The following STARD9 variants were observed in gnomAD, a reference collection of about 807,000 sequenced individuals.
STARD9 encodes StAR related lipid transfer domain containing 9, also known as stAR-related lipid transfer protein 9.
STARD9 carries 346 observed loss-of-function variants against 399.8 expected under a neutral mutation model. That is an observed-to-expected ratio of 0.87 (90% CI 0.79 to 0.95). The LOEUF (loss-of-function observed/expected upper bound fraction) is 0.95. Among genes scored for constraint, STARD9 ranks in the 40% least tolerant of loss-of-function variants. The pLI is 0.00. For synonymous variants in STARD9, 2,203 were observed against 2,143.5 expected, an observed-to-expected ratio of 1.03 and a Z score of -0.77; for missense variants, 5,832 against 5,667.5, an observed-to-expected ratio of 1.03 and a Z score of -0.93.
rs1402874352 is a variant in STARD9, at chr15:42,690,610, G to A, written c.9032G>A (p.Gly3011Glu). Residue 3011 changes from glycine (G) to glutamate (E), a missense_variant, in exon 23 of 33, where the codon GGA (glycine) becomes GAA (glutamate). This residue lies in a region of STARD9 where 5,828 missense variants were observed against 5,651.1 expected (regional missense o/e 1.03). Coordinates refer to ENST00000290607, the MANE Select transcript of STARD9 (RefSeq NM_020759.3). ...PSRAYEMDET[G>E]EISRGPDVHL... ...AGGGCCTATGAAATGGATGAGACAGGAGAGATCTCTAGGGGACCTGATGTG... is the reference window on the plus strand; with the variant it reads ...AGGGCCTATGAAATGGATGAGACAGAAGAGATCTCTAGGGGACCTGATGTG... 1.3e-6 allele frequency: 2 copies of A among 1,537,224 alleles called. No homozygotes were observed. The highest frequency in any genetic ancestry group is 4.9e-5 in the East Asian group (2 of 40,916).
chr15:42,717,607 A>G (rs1469184923), intron 28 of STARD9, 124 bp from the exon 29 acceptor site: 1 of 844,806 alleles, frequency 1.2e-6, no homozygotes, highest in Non-Finnish European at 1.9e-6. Flanking sequence ...CCTGGGTGAC[A>G]GAGCTAGACC....
chr15:42,621,758 G>A (rs755698854), intron 3 of STARD9, among the ~76,000 whole-genome samples: 2 of 152,182 alleles, frequency 1.3e-5, no homozygotes, highest in Non-Finnish European at 2.9e-5. Flanking sequence ...CTTAAAATCT[G>A]CAAGGAGACA....
chr15:42,586,942 T>C lies in STARD9; in HGVS notation c.234+1305T>C, dbSNP rs189692396. Among the ~76,000 whole-genome samples, 650 of 152,112 alleles carry C rather than the reference T, an allele frequency of 4.3e-3. 4 individuals carry two copies. Among genetic ancestry groups the C allele is most frequent in the African/African-American group, 0.015 (608 of 41,500 alleles). ...TGATCTCAGCTCACTTCAGCCTCTT[T>C]CTTCTGGGCTGAAAGTGATCTTCCC... On this transcript the variant is annotated intron_variant, in intron 3 of 32. Transcript: ENST00000290607.
At position 42,720,333 on chromosome 15, in the gene STARD9, T is replaced by G. The variant is rs2061428698; in HGVS notation, c.*759T>G. The G allele has an allele frequency of 6.6e-6, 1 of 152,422 alleles. No homozygotes were observed. The highest frequency in any genetic ancestry group is 1.5e-5 in the Non-Finnish European group (1 of 68,136). 9.4% of individuals were successfully genotyped at this position (152,422 alleles called of 1,614,324 possible). On this transcript the variant is annotated 3_prime_UTR_variant, in exon 33 of 33. Coordinates refer to ENST00000290607, the MANE Select transcript of STARD9 (RefSeq NM_020759.3). ...GTCAGGGTTGGAGGCTGAGTTCTTT[T>G]GAGGACTGGTTGGAGTGGCAGCCAG...
intron 7 of STARD9, among the ~76,000 whole-genome samples, chr15:42,647,487 G>T (rs2059667840): frequency 1.3e-5 from 2 of 152,042 alleles, no homozygotes; most frequent in Admixed American, 1.3e-4. Context: ...TCATTGTGAA[G>T]GATTTTTCTT....
At position 42,719,582 on chromosome 15, in the gene STARD9, C is replaced by T. The variant is rs1445668339; in HGVS notation, c.*8C>T. ...TCCTTCCTTGGTAGGTAGCATCTCA[C>T]CGTCAAGATGGTGCTGCTGAGATGC... On this transcript the variant is annotated 3_prime_UTR_variant, in exon 33 of 33. Coordinates refer to ENST00000290607, the MANE Select transcript of STARD9 (RefSeq NM_020759.3). The T allele has an allele frequency of 5.3e-6, 8 of 1,510,634 alleles. No homozygotes were observed. Among genetic ancestry groups the T allele is most frequent in the Non-Finnish European group, 7.1e-6 (8 of 1,122,924 alleles). 93.6% of individuals were successfully genotyped at this position (1,510,634 alleles called of 1,614,324 possible).
chr15:42,702,057 C>G (rs1466713977), intron 26 of STARD9, among the ~76,000 whole-genome samples: 4 of 150,522 alleles, frequency 2.7e-5, no homozygotes, highest in South Asian at 2.1e-4. Context: ...GTTGGACACA[C>G]CTGCTTATAT....
Position 42,689,964 on chromosome 15 carries a change from G to A in STARD9, c.8386G>A (p.Val2796Ile). The A allele has an allele frequency of 6.5e-7, 1 of 1,537,638 alleles. No homozygotes were observed. Among genetic ancestry groups the A allele is most frequent in the Non-Finnish European group, 8.7e-7 (1 of 1,147,024 alleles). The change falls in exon 23 of 33, where the codon GTT becomes ATT. Residue 2796 changes from valine (V) to isoleucine (I), a missense_variant. By Grantham distance (29) the Val-to-Ile change is conservative (BLOSUM62 3). Around this residue, in one of 2 missense-constraint regions of STARD9, gnomAD observed 5,828 missense variants for 5,651.1 expected, o/e 1.03. Transcript: ENST00000290607. ...PRTLDTTYGE[V>I]SDNLLVTAQG... ...AACTCTAGACACCACATATGGAGAA[G>A]TTTCAGATAATTTGTTAGTGACTGC... is the stretch of plus-strand genomic sequence containing the variant.
intron 16 of STARD9, 41 bp from the exon 17 acceptor site, chr15:42,674,399 C>A: frequency 6.8e-7 from 1 of 1,470,936 alleles, no homozygotes; most frequent in Non-Finnish European, 9.2e-7. Context: ...AAGGCTCTGT[C>A]CCTTTTAATT....
rs568089193 is a variant in STARD9 at position 42,682,022 on chromosome 15, A to G, written c.2066-82A>G. 105 of 938,080 alleles carry G rather than the reference A, an allele frequency of 1.1e-4. 1 individual carries two copies. The South Asian group carries it at 1.6e-3, about 14-fold the overall frequency. The allele number at this position is 938,080 out of a possible 1,614,324, so 58.1% of individuals were successfully genotyped here. ...TCTTTCACTCCACACAGGTCCAGCC[A>G]TGGCTGGAGGTATCTGAGTCCAGGC... On this transcript the variant is annotated intron_variant, in intron 21 of 32. Coordinates refer to ENST00000290607, the MANE Select transcript of STARD9 (RefSeq NM_020759.3).
intron 16 of STARD9, chr15:42,670,957 A>AT (rs959137256): frequency 1.1e-4 from 16 of 152,106 alleles, no homozygotes; most frequent in African/African-American, 3.6e-4. Flanking sequence ...AATGGTCACT[A>AT]TTTGAGTAGA....
intron 18 of STARD9, among the ~76,000 whole-genome samples, chr15:42,675,189 G>A (rs1329682404): frequency 6.6e-6 from 1 of 152,164 alleles, no homozygotes; most frequent in African/African-American, 2.4e-5. Context: ...GTGTTAATTA[G>A]CTCTGTCTCC....
chr15:42,674,945 C>T lies in STARD9; in HGVS notation c.1668C>T (p.Ala556=), dbSNP rs1369570691. 1.3e-6 allele frequency: 2 copies of T among 1,535,410 alleles called. No homozygotes were observed. Among genetic ancestry groups the T allele is most frequent in the East Asian group, 4.9e-5 (2 of 40,898 alleles). ...CAGTCAATGGCCGGGAGGTCACTGC[C>T]TCCTGCCGTCTGACTCAAGGTAGGA... ...RCTVNGREVT[A]SCRLTQGAVI... The change falls in exon 18 of 33, where the codon GCC becomes GCT. Residue 556 remains alanine, a synonymous_variant. Coordinates refer to ENST00000290607, the MANE Select transcript of STARD9 (RefSeq NM_020759.3).
chr15:42,665,398 A>G (rs2060077596), intron 14 of STARD9, 68 bp downstream of exon 14: 4 of 1,316,646 alleles, frequency 3.0e-6, no homozygotes, highest in East Asian at 2.5e-5. Flanking sequence ...TTTCTTCTCC[A>G]TAGAGTCTGG....
Position 42,689,127 on chromosome 15 carries a change from C to T in STARD9, c.7549C>T (p.Leu2517=). The change falls in exon 23 of 33, where the codon CTG becomes TTG. Residue 2517 remains leucine (L), a synonymous_variant. Transcript: ENST00000290607. ...KAEKETEDVG[L]TSGVSLAPVS... is the part of the protein sequence containing the mutation. The stretch of plus-strand genomic sequence containing the variant: ...AGAGAAGGAGACTGAGGACGTCGGA[C>T]TGACCAGCGGTGTTTCCTTAGCACC... 2 of 1,537,296 alleles carry T rather than the reference C, an allele frequency of 1.3e-6. No homozygotes were observed. Among genetic ancestry groups the T allele is most frequent in the Non-Finnish European group, 8.7e-7 (1 of 1,146,926 alleles).
chr15:42,709,059 G>A (rs2061152618), intron 26 of STARD9, among the ~76,000 whole-genome samples: 1 of 152,124 alleles, frequency 6.6e-6, no homozygotes, highest in South Asian at 2.1e-4. Context: ...TAAGGTGGTG[G>A]TTGGGGGTCT....
In STARD9 at chr15:42,717,786, C is replaced by T. The variant is rs2061377188; in HGVS notation, c.13550C>T (p.Ala4517Val). The T allele has an allele frequency of 6.5e-7, 1 of 1,537,228 alleles. No individual in the cohort carries two copies. ...AACCTCTTCAGCTGCCAGGCAACTG[C>T]TGGCTGGAAGTAAGTTTGTTTAGGG... is the stretch of plus-strand genomic sequence containing the variant. ...LHNLFSCQAT[A>V]GWNYQGEEQA... Residue 4517 changes from alanine (A) to valine (V), a missense_variant, in exon 29 of 33, where the codon GCT becomes GTT. Transcript: ENST00000290607.
rs1157124769 is a variant in STARD9, at chr15:42,689,491, A to G, written c.7913A>G (p.Gln2638Arg). Residue 2638 changes from glutamine to arginine, a missense_variant, in exon 23 of 33, where the codon CAG becomes CGG. Physicochemically the swap from Gln to Arg is conservative, Grantham distance 43. Transcript: ENST00000290607. ...CTGTTACCTGATGAGAGGAAAGTCC[A>G]GGCCACATCTCTGTCTGCAGACAGC... ...IDLLPDERKV[Q>R]ATSLSADSFE... The G allele has an allele frequency of 6.5e-7, 1 of 1,537,342 alleles. No homozygotes were observed. The highest frequency in any genetic ancestry group is 1.2e-5 in the South Asian group (1 of 84,066).
chr15:42,662,720 A>C, intron 10 of STARD9, 74 bp from the exon 11 acceptor site: 1 of 924,246 alleles, frequency 1.1e-6, no homozygotes, highest in Non-Finnish European at 1.7e-6. Flanking sequence ...AATAACGGAT[A>C]GTATTTTTCA....
Sources: gnomAD v4.1 joint callset for allele counts (sites outside exome capture counted in the v4.1 genomes callset) on GRCh38, gnomAD v4.1.1 for gene constraint, gnomAD v4.1.1 regional missense constraint, MANE v1.5 for transcripts, NCBI Gene and HGNC (gene_info 2026-07-23, HGNC 2026-07-21) for gene names.